The following PCDHGB2 variants were observed in gnomAD, a reference collection of about 807,000 sequenced individuals.
PCDHGB2 encodes the protein protocadherin gamma-B2.
PCDHGB2 carries 55 observed loss-of-function variants against 59.3 expected under a neutral mutation model. The observed-to-expected ratio is 0.93, with a 90% CI of 0.75 to 1.16. The LOEUF (loss-of-function observed/expected upper bound fraction) is 1.16, where lower values mean the gene tolerates loss of function less well. Among genes scored for constraint, PCDHGB2 ranks in the 50% most tolerant of loss-of-function variants. The probability of loss-of-function intolerance (pLI) is 0.00; values close to 1 mark genes in which losing one functional copy is unlikely to be tolerated. For missense variants in PCDHGB2, 1,228 were observed against 1,198.5 expected (o/e 1.02, Z -0.36); for synonymous variants, 516 against 512.0 (o/e 1.01, Z -0.11).
intron 1 of PCDHGB2, chr5:141,422,019 G>T (rs777239843): frequency 1.9e-6 from 3 of 1,610,862 alleles, no homozygotes; most frequent in Non-Finnish European, 2.5e-6. Context: ...GGGTGCTGAT[G>T]GTTAATGCAA....
chr5:141,376,730 A>T (rs1773298181), intron 1 of PCDHGB2: 1 of 526,912 alleles, frequency 1.9e-6, no homozygotes, highest in Admixed American at 4.2e-5. Flanking sequence ...CCCAGGCCGG[A>T]CTGCGGACTG....
intron 2 of PCDHGB2, among the ~76,000 whole-genome samples, chr5:141,503,239 C>G (rs1364808315): frequency 6.6e-6 from 1 of 152,088 alleles, no homozygotes; most frequent in Non-Finnish European, 1.5e-5. Flanking sequence ...TGGACAGTTT[C>G]TATCATACTC....
chr5:141,362,655 T>A, intron 1 of PCDHGB2, 99 bp downstream of exon 1: 1 of 1,397,228 alleles, frequency 7.2e-7, no homozygotes, highest in Non-Finnish European at 9.5e-7. Context: ...GAGTTAGATT[T>A]GGCCAATGTT....
At chr5:141,380,802 T>A (rs1776746309) in intron 1 of PCDHGB2, among the ~76,000 whole-genome samples, 1 of 152,118 alleles carries the variant, frequency 6.6e-6, no homozygotes, top group African/African-American at 2.4e-5. Context: ...AAGAAACAAA[T>A]GTGAGATGAA....
At chr5:141,405,118 G>C (rs368800698) in intron 1 of PCDHGB2, 2 of 1,613,946 alleles carry the variant, frequency 1.2e-6, no homozygotes, top group Non-Finnish European at 8.5e-7. Flanking sequence ...GGCACTCCTC[G>C]CATCTGCTGC....
chr5:141,414,357 A>G, intron 1 of PCDHGB2: 3 of 1,613,888 alleles, frequency 1.9e-6, no homozygotes, highest in Non-Finnish European at 2.5e-6. Flanking sequence ...TGGCGTATCT[A>G]CCATTTAAAT....
chr5:141,405,260 T>A, intron 1 of PCDHGB2: 1 of 1,614,140 alleles, frequency 6.2e-7, no homozygotes, highest in South Asian at 1.1e-5. Flanking sequence ...TCACCTGATC[T>A]TCCCCCAGCC....
chr5:141,467,233 A>G (rs1009794220), intron 1 of PCDHGB2, among the ~76,000 whole-genome samples: 1 of 151,564 alleles, frequency 6.6e-6, no homozygotes, highest in South Asian at 2.1e-4. Flanking sequence ...TTGTATTTTT[A>G]GTAGAGATGG....
chr5:141,460,092 T>C (rs186695697), intron 1 of PCDHGB2, among the ~76,000 whole-genome samples: 37 of 152,056 alleles, frequency 2.4e-4, no homozygotes, highest in Admixed American at 9.8e-4. Context: ...ATAATAATTA[T>C]ACATGTAATT....
chr5:141,472,045 TA>T (rs1227282207), intron 1 of PCDHGB2, among the ~76,000 whole-genome samples: 3 of 152,170 alleles, frequency 2.0e-5, no homozygotes, highest in Non-Finnish European at 4.4e-5. Flanking sequence ...GAAAAGATTT[TA>T]AAAATGATTG....
At position 141,448,827 on chromosome 5, in the gene PCDHGB2, C is replaced by T. The variant is rs540550537; in HGVS notation, c.2422-45980C>T. ...AGGCGTGATGGCGGGCGCCTGTAGT[C>T]CCAGCTACTCTGGAGGCTGAGGCAG... On this transcript the variant is annotated intron_variant, in intron 1 of 3. Transcript: ENST00000522605. Among the ~76,000 whole-genome samples the T allele has an allele frequency of 1.6e-4, 25 of 152,108 alleles. No homozygotes were observed. In the South Asian group the frequency reaches 4.2e-3, roughly 25 times the overall value.
intron 1 of PCDHGB2, chr5:141,420,293 A>G: frequency 1.3e-6 from 2 of 1,485,602 alleles, no homozygotes; most frequent in Non-Finnish European, 9.1e-7. Context: ...TTAAAAATGT[A>G]TTTAATCCTT....
At chr5:141,409,893 A>G in intron 1 of PCDHGB2, 2 of 1,613,138 alleles carry the variant, frequency 1.2e-6, no homozygotes, top group Middle Eastern at 3.3e-4. Flanking sequence ...CGGGTGCTGT[A>G]CCCAGCTCTG....
chr5:141,414,942 C>T, intron 1 of PCDHGB2: 3 of 1,614,126 alleles, frequency 1.9e-6, no homozygotes, highest in Non-Finnish European at 1.7e-6. Context: ...CAGAGCCCGG[C>T]TACCTGGTGA....
intron 1 of PCDHGB2, chr5:141,390,412 C>A: frequency 8.3e-7 from 1 of 1,206,056 alleles, no homozygotes; most frequent in Admixed American, 2.5e-5. Flanking sequence ...AAGTTGTAGT[C>A]AGTTAAAAAG....
intron 1 of PCDHGB2, among the ~76,000 whole-genome samples, chr5:141,449,290 G>A (rs1255760925): frequency 1.3e-5 from 2 of 151,934 alleles, no homozygotes; most frequent in Admixed American, 6.6e-5. Context: ...CGGATGCACC[G>A]GGTGAATTAT....
At chr5:141,377,773 A>G (rs987234769) in intron 1 of PCDHGB2, 4 of 152,220 alleles carry the variant, frequency 2.6e-5, no homozygotes, top group Admixed American at 6.5e-5. Flanking sequence ...TTTGGTGTTA[A>G]AAGACCTGAA....
intron 1 of PCDHGB2, among the ~76,000 whole-genome samples, chr5:141,373,763 G>A (rs951115131): frequency 6.6e-6 from 1 of 152,192 alleles, no homozygotes; most frequent in African/African-American, 2.4e-5. Context: ...AATATTATGA[G>A]TGTCATCTCT....
At position 141,362,496 on chromosome 5, in the gene PCDHGB2, G is replaced by A; in HGVS notation, c.2361G>A (p.Trp787Ter). Residue 787 changes from tryptophan to a stop codon, truncating the protein, a stop_gained, in exon 1 of 4, where the codon TGG (tryptophan) becomes TGA (stop). Coordinates refer to ENST00000522605, the MANE Select transcript of PCDHGB2 (RefSeq NM_018923.3). LOFTEE classifies it high-confidence loss of function. ...ATCTCGTCTGTGACAATGCCTCTTG[G>A]GAACAAAATACAAATCATGGAGCCG... ...AQDLVCDNAS[W>*]EQNTNHGAAG... 2 of 1,614,004 alleles carry A rather than the reference G, an allele frequency of 1.2e-6. No homozygotes were observed. Among genetic ancestry groups the A allele is most frequent in the South Asian group, 1.1e-5 (1 of 91,084 alleles).
Sources: gnomAD v4.1 joint callset for allele counts (sites outside exome capture counted in the v4.1 genomes callset) on GRCh38, gnomAD v4.1.1 for gene constraint, MANE v1.5 for transcripts, NCBI Gene and HGNC (gene_info 2026-07-23, HGNC 2026-07-21) for gene names.